FRMPD2: variants seen among roughly 807,000 people sequenced by gnomAD.
FRMPD2 encodes the protein FERM and PDZ domain containing 2.
FRMPD2 carries 96 observed loss-of-function variants against 140.1 expected under a neutral mutation model. The ratio of observed to expected loss-of-function variants is 0.69; its 90% CI spans 0.58 to 0.81. FRMPD2 has a LOEUF of 0.81. FRMPD2 is among the 40% of genes least tolerant of loss of function. The probability of loss-of-function intolerance (pLI) is 0.00; values close to 1 mark genes in which losing one functional copy is unlikely to be tolerated. For synonymous variants in FRMPD2, 449 were observed against 547.6 expected, an observed-to-expected ratio of 0.82 and a Z score of 2.52; for missense variants, 1,240 against 1,447.4, an observed-to-expected ratio of 0.86 and a Z score of 2.32.
At chr10:48,237,901 A>AACTGGCTG in intron 8 of FRMPD2, 90 bp downstream of exon 8, 1 of 1,479,042 alleles carries the variant, frequency 6.8e-7, no homozygotes, top group South Asian at 1.1e-5. Flanking sequence ...CCCCTAGAAG[A>AACTGGCTG]CCCTGCCCAT....
intron 12 of FRMPD2, among the ~76,000 whole-genome samples, chr10:48,216,960 G>A (rs1014064482): frequency 2.0e-5 from 3 of 152,186 alleles, no homozygotes; most frequent in Non-Finnish European, 4.4e-5. Context: ...TCAAGGGTAA[G>A]CAGTGACAGG....
Position 48,239,679 on chromosome 10 carries a change from G to A in FRMPD2, c.714C>T (p.Ser238=), listed in dbSNP as rs985158624. The A allele has an allele frequency of 6.8e-6, 11 of 1,613,578 alleles. No individual in the cohort carries two copies. The Admixed American group carries it at 1.0e-4, about 15-fold the overall frequency. The part of the protein sequence containing the change: ...CLHPCRVSER[S]TETQSSPEPH... ...GCTCTGGTGAGCTCTGGGTCTCCGT[G>A]CTTCTTTCTGAAACTAATCAAGCAG... The change falls in exon 7 of 29, where the codon AGC becomes AGT. Residue 238 remains serine, a synonymous_variant. Coordinates refer to ENST00000374201, the MANE Select transcript of FRMPD2 (RefSeq NM_001018071.4).
At chr10:48,172,724 G>T (rs1182658638) in intron 25 of FRMPD2, among the ~76,000 whole-genome samples, 1 of 152,096 alleles carries the variant, frequency 6.6e-6, no homozygotes, top group Non-Finnish European at 1.5e-5. Context: ...GGGGCAGAAA[G>T]ATGCCTAGAA....
intron 13 of FRMPD2, among the ~76,000 whole-genome samples, chr10:48,210,433 C>T (rs944511666): frequency 1.3e-5 from 2 of 152,180 alleles, no homozygotes; most frequent in African/African-American, 4.8e-5. Flanking sequence ...CATCGTTCAA[C>T]CAGGAAGCGA....
rs1839624093 is a variant in FRMPD2, at chr10:48,222,470, T to A, written c.1317-19A>T. Reference sequence around the variant, plus strand: ...GCTGTGCCTGGAAAAGAAGTAGCAATAAAAAGGGCTGGGTTGCTAAGGGAA... The same window carrying A: ...GCTGTGCCTGGAAAAGAAGTAGCAAAAAAAAGGGCTGGGTTGCTAAGGGAA... On this transcript the variant is annotated intron_variant, in intron 11 of 28. Transcript: ENST00000374201. 1 of 1,612,624 alleles carries A rather than the reference T, an allele frequency of 6.2e-7. No individual in the cohort carries two copies. The highest frequency in any genetic ancestry group is 8.5e-7 in the Non-Finnish European group (1 of 1,179,410).
intron 15 of FRMPD2, among the ~76,000 whole-genome samples, chr10:48,196,587 A>G (rs150190183): frequency 5.6e-4 from 85 of 152,314 alleles, no homozygotes; most frequent in African/African-American, 2.0e-3. Flanking sequence ...TGTACAAGAC[A>G]TATCATGGCA....
At chr10:48,237,171 C>T (rs1215542479) in intron 8 of FRMPD2, among the ~76,000 whole-genome samples, 4 of 151,748 alleles carry the variant, frequency 2.6e-5, no homozygotes, top group Non-Finnish European at 5.9e-5. Context: ...GTCATATAAC[C>T]AGCAAGAGAT....
chr10:48,242,371 G>T lies in FRMPD2; in HGVS notation c.376-19C>A. On this transcript the variant is annotated intron_variant, in intron 4 of 28. Coordinates refer to ENST00000374201, the MANE Select transcript of FRMPD2 (RefSeq NM_001018071.4). ...GCAGGGGCTGGAGGCAGACAGGGCC[G>T]GTGAGAGGAGAGAGCAGCCAGAGCT... The T allele has an allele frequency of 1.2e-6, 2 of 1,604,532 alleles. No individual in the cohort carries two copies. Among genetic ancestry groups the T allele is most frequent in the South Asian group, 1.1e-5 (1 of 90,110 alleles).
chr10:48,259,722 G>A (rs1840547492), intron 1 of FRMPD2, among the ~76,000 whole-genome samples: 2 of 151,582 alleles, frequency 1.3e-5, no homozygotes, highest in African/African-American at 4.9e-5. Context: ...TCATAGCCTG[G>A]GGTAATAGAC....
intron 13 of FRMPD2, among the ~76,000 whole-genome samples, chr10:48,210,591 A>G (rs1428212884): frequency 6.6e-6 from 1 of 152,292 alleles, no homozygotes; most frequent in East Asian, 1.9e-4. Context: ...ACCACTCATT[A>G]TCAGATGGCT....
chr10:48,226,524 T>C (rs926748695), intron 10 of FRMPD2, among the ~76,000 whole-genome samples: 6 of 152,252 alleles, frequency 3.9e-5, no homozygotes, highest in Non-Finnish European at 8.8e-5. Context: ...TAAAGGCACT[T>C]TTAAGCGCAC....
intron 1 of FRMPD2, among the ~76,000 whole-genome samples, chr10:48,259,645 T>C (rs1852637893): frequency 6.6e-6 from 1 of 151,880 alleles, no homozygotes. Flanking sequence ...AGTGTGTGTG[T>C]GTGTGTGTGT....
chr10:48,261,497 G>A (rs978438604), intron 1 of FRMPD2, among the ~76,000 whole-genome samples: 3 of 152,016 alleles, frequency 2.0e-5, no homozygotes, highest in Non-Finnish European at 4.4e-5. Context: ...ATCGTAGGAC[G>A]TAATATTTAA....
intron 14 of FRMPD2, among the ~76,000 whole-genome samples, chr10:48,204,406 G>A (rs1002614441): frequency 1.3e-5 from 2 of 152,138 alleles, no homozygotes; most frequent in Admixed American, 6.5e-5. Flanking sequence ...GTGCAAAGCT[G>A]CGTGTTTCAT....
At chr10:48,191,981 C>T (rs1038858115) in intron 16 of FRMPD2, among the ~76,000 whole-genome samples, 2 of 152,272 alleles carry the variant, frequency 1.3e-5, no homozygotes, top group South Asian at 2.1e-4. Context: ...ATGAGAACAA[C>T]GGAAACACTT....
At chr10:48,233,404 C>T (rs1204919621) in intron 9 of FRMPD2, among the ~76,000 whole-genome samples, 2 of 152,226 alleles carry the variant, frequency 1.3e-5, no homozygotes, top group Non-Finnish European at 2.9e-5. Context: ...CAGTCTGGCA[C>T]AAGGCCTAGG....
chr10:48,226,228 G>A (rs973375744), intron 10 of FRMPD2, among the ~76,000 whole-genome samples: 6 of 152,272 alleles, frequency 3.9e-5, no homozygotes, highest in South Asian at 2.1e-4. Context: ...GGCATCTTGA[G>A]GCTTCAAAAC....
At chr10:48,244,286 G>C (rs1404315559) in intron 4 of FRMPD2, among the ~76,000 whole-genome samples, 1 of 152,206 alleles carries the variant, frequency 6.6e-6, no homozygotes, top group Non-Finnish European at 1.5e-5. Flanking sequence ...TGGCCAGCCA[G>C]GATAAAGTTA....
intron 13 of FRMPD2, among the ~76,000 whole-genome samples, chr10:48,210,655 A>T (rs576043574): frequency 1.7e-4 from 26 of 152,310 alleles, no homozygotes; most frequent in Non-Finnish European, 2.6e-4. Context: ...CTTGACAGGG[A>T]ACACGTGTGC....
Sources: allele counts gnomAD v4.1 joint callset (sites outside exome capture counted in the v4.1 genomes callset), GRCh38; gene constraint gnomAD v4.1.1; transcripts MANE v1.5; gene names NCBI Gene and HGNC (gene_info 2026-07-23, HGNC 2026-07-21).